The following GDAP1L1 variants were observed in gnomAD, a reference collection of about 807,000 sequenced individuals.
The protein encoded by GDAP1L1 is ganglioside induced differentiation associated protein 1 like 1.
Under a neutral mutation model 37.1 loss-of-function variants are expected in GDAP1L1, and 21 were observed. That is an observed-to-expected ratio of 0.57 (90% CI 0.40 to 0.81). The LOEUF (loss-of-function observed/expected upper bound fraction) is 0.81, where lower values mean the gene tolerates loss of function less well. GDAP1L1 is among the 40% of genes least tolerant of loss of function. GDAP1L1 has a pLI of 0.00. For missense variants in GDAP1L1, 362 were observed against 491.6 expected (o/e 0.74, Z 2.49); for synonymous variants, 193 against 209.1 (o/e 0.92, Z 0.67).
At position 44,263,116 on chromosome 20, in the gene GDAP1L1, G is replaced by C. The variant is rs907241448; in HGVS notation, c.548-114G>C. On this transcript the variant is annotated intron_variant, in intron 3 of 5. Coordinates refer to ENST00000342560, the MANE Select transcript of GDAP1L1 (RefSeq NM_024034.6). ...GCTCCCTAAGTGTTGGCTGTCGACA[G>C]TATTACTCTTCTGACCAGTGTTTGG... is the stretch of plus-strand genomic sequence containing the variant. 8 of 799,782 alleles carry C rather than the reference G, an allele frequency of 1.0e-5. No homozygotes were observed. In the Admixed American group the frequency reaches 1.1e-4, roughly 11 times the overall value. The allele number at this position is 799,782 out of a possible 1,614,324, so 49.5% of individuals were successfully genotyped here. A position where few individuals can be genotyped will look rare whatever the true frequency, so the allele number is the denominator to read the frequency against.
intron 1 of GDAP1L1, among the ~76,000 whole-genome samples, chr20:44,249,638 G>A (rs538403727): frequency 2.0e-5 from 3 of 152,198 alleles, no homozygotes; most frequent in Admixed American, 6.5e-5. Flanking sequence ...TTCCTATGTA[G>A]CGTGAGCTCA....
chr20:44,248,263 T>C (rs1371262863), intron 1 of GDAP1L1, among the ~76,000 whole-genome samples: 1 of 152,188 alleles, frequency 6.6e-6, no homozygotes, highest in Non-Finnish European at 1.5e-5. Flanking sequence ...GGTAAGGCTG[T>C]GAACTGCACC....
rs369308443 is a variant in GDAP1L1, at chr20:44,253,665, C to T, written c.181-3488C>T. On this transcript the variant is annotated intron_variant, in intron 1 of 5. Coordinates refer to ENST00000342560, the MANE Select transcript of GDAP1L1 (RefSeq NM_024034.6). Reference sequence around the variant, plus strand: ...TGGTGACCACCTAGGTCTGGTCCAGCCTCCAGGGGGCAGAGATGGCAGATG... The same window carrying T: ...TGGTGACCACCTAGGTCTGGTCCAGTCTCCAGGGGGCAGAGATGGCAGATG... Among the ~76,000 whole-genome samples the T allele has an allele frequency of 2.7e-3, 414 of 152,334 alleles. 3 individuals carry two copies. Among genetic ancestry groups the T allele is most frequent in the African/African-American group, 9.4e-3 (391 of 41,574 alleles).
rs1193762250 is a variant in GDAP1L1 at position 44,280,263 on chromosome 20, C to G, written c.*963C>G. ...AGTCTCTGCATCCATGCCACCCACC[C>G]CAGTCGGGTCTCACTTTCCTGTGCC... is the stretch of plus-strand genomic sequence containing the variant. On this transcript the variant is annotated 3_prime_UTR_variant, in exon 6 of 6. Coordinates refer to ENST00000342560, the MANE Select transcript of GDAP1L1 (RefSeq NM_024034.6). 6.4e-6 allele frequency: 1 copy of G among 157,086 alleles called. No homozygotes were observed. Among genetic ancestry groups the G allele is most frequent in the African/African-American group, 2.4e-5 (1 of 41,474 alleles). The allele number at this position is 157,086 out of a possible 1,614,324, so 9.7% of individuals were successfully genotyped here.
chr20:44,249,711 C>T (rs1458629129), intron 1 of GDAP1L1, among the ~76,000 whole-genome samples: 2 of 152,222 alleles, frequency 1.3e-5, no homozygotes, highest in African/African-American at 4.8e-5. Context: ...TTGACCAAGT[C>T]TCTGGCCAAG....
At position 44,279,331 on chromosome 20, in the gene GDAP1L1, C is replaced by A; in HGVS notation, c.*31C>A. The A allele has an allele frequency of 1.4e-6, 2 of 1,402,184 alleles. No individual in the cohort carries two copies. The highest frequency in any genetic ancestry group is 2.0e-6 in the Non-Finnish European group (2 of 997,350). 86.9% of individuals were successfully genotyped at this position (1,402,184 alleles called of 1,614,324 possible). On this transcript the variant is annotated 3_prime_UTR_variant, in exon 6 of 6. Transcript: ENST00000342560. ...GGCCTGGGGCTTGGTGTCTGACTGT[C>A]GGTGTCTCTGTGCTGTGTGATTCCC...
chr20:44,248,872 C>G (rs2145980489), intron 1 of GDAP1L1, among the ~76,000 whole-genome samples: 2 of 152,256 alleles, frequency 1.3e-5, no homozygotes, highest in South Asian at 2.1e-4. Flanking sequence ...GTGGACAGGT[C>G]CCTTTGCCTG....
intron 1 of GDAP1L1, among the ~76,000 whole-genome samples, chr20:44,252,030 A>T (rs2073455049): frequency 6.6e-6 from 1 of 152,232 alleles, no homozygotes; most frequent in Non-Finnish European, 1.5e-5. Flanking sequence ...TCTGATTCCT[A>T]GTGGTGACAA....
chr20:44,266,085 G>C (rs1293002268), intron 5 of GDAP1L1, among the ~76,000 whole-genome samples: 2 of 152,198 alleles, frequency 1.3e-5, no homozygotes, highest in South Asian at 2.1e-4. Flanking sequence ...GAGGCGGGTG[G>C]ATCACCTGAG....
At chr20:44,256,395 C>T (rs2073545922) in intron 1 of GDAP1L1, among the ~76,000 whole-genome samples, 1 of 152,136 alleles carries the variant, frequency 6.6e-6, no homozygotes, top group African/African-American at 2.4e-5. Flanking sequence ...TCTGACCAGG[C>T]ACGGTGGCTA....
chr20:44,278,953 C>T lies in GDAP1L1; in HGVS notation c.761-4C>T, dbSNP rs759888009. 3.7e-6 allele frequency: 6 copies of T among 1,603,446 alleles called. No individual in the cohort carries two copies. In the African/African-American group the frequency reaches 5.4e-5, roughly 14 times the overall value. ...CCCCTTGCCTCCTCTTTCTTCCACTCTAGGGCAGAAATGCGAGCTGTGGCT... is the reference window on the plus strand; with the variant it reads ...CCCCTTGCCTCCTCTTTCTTCCACTTTAGGGCAGAAATGCGAGCTGTGGCT... On this transcript the variant is annotated splice_polypyrimidine_tract_variant and splice_region_variant and intron_variant, in intron 5 of 5. Coordinates refer to ENST00000342560, the MANE Select transcript of GDAP1L1 (RefSeq NM_024034.6).
chr20:44,258,647 C>T, intron 3 of GDAP1L1, 40 bp downstream of exon 3: 6 of 1,455,328 alleles, frequency 4.1e-6, no homozygotes, highest in Non-Finnish European at 5.7e-6. Flanking sequence ...CTGCTTTCCC[C>T]CTTTGCGCCG....
intron 5 of GDAP1L1, 59 bp from the exon 6 acceptor site, chr20:44,278,898 A>G: frequency 9.2e-7 from 1 of 1,091,666 alleles, no homozygotes; most frequent in Non-Finnish European, 1.4e-6. Flanking sequence ...TCATGGAGAG[A>G]AGCAAGTGTG....
At chr20:44,265,492 C>T (rs759126388) in intron 5 of GDAP1L1, 60 of 984,908 alleles carry the variant, frequency 6.1e-5, no homozygotes, top group Non-Finnish European at 7.0e-5. Flanking sequence ...ATGGGAAGGC[C>T]GTAGAGCCCA....
At chr20:44,256,210 G>T (rs1259306784) in intron 1 of GDAP1L1, among the ~76,000 whole-genome samples, 1 of 152,134 alleles carries the variant, frequency 6.6e-6, no homozygotes, top group Non-Finnish European at 1.5e-5. Context: ...GAAAAATGGG[G>T]AGATACTGTT....
intron 5 of GDAP1L1, among the ~76,000 whole-genome samples, chr20:44,271,660 G>A (rs2062517093): frequency 6.6e-6 from 1 of 152,122 alleles, no homozygotes; most frequent in Non-Finnish European, 1.5e-5. Context: ...AGGATGTGGG[G>A]TGACAGGAGG....
chr20:44,253,699 A>C (rs1463763310), intron 1 of GDAP1L1, among the ~76,000 whole-genome samples: 1 of 152,208 alleles, frequency 6.6e-6, no homozygotes, highest in Non-Finnish European at 1.5e-5. Context: ...TGGCCTTGGT[A>C]GCTGAATGCC....
intron 5 of GDAP1L1, among the ~76,000 whole-genome samples, chr20:44,266,964 C>T (rs1244619644): frequency 2.6e-5 from 4 of 152,240 alleles, no homozygotes; most frequent in South Asian, 2.1e-4. Flanking sequence ...TAAAAAACAT[C>T]GCAAAAAATT....
In GDAP1L1 at chr20:44,253,408, T is replaced by A. The variant is rs527963449; in HGVS notation, c.181-3745T>A. Among the ~76,000 whole-genome samples, 130 of 152,282 alleles carry A rather than the reference T, an allele frequency of 8.5e-4. 1 individual carries two copies. The highest frequency in any genetic ancestry group is 3.0e-3 in the African/African-American group (124 of 41,560). On this transcript the variant is annotated intron_variant, in intron 1 of 5. Transcript: ENST00000342560. Reference sequence around the variant, plus strand: ...CTAAAAATAAGGCCTACTAATTTTTTTAAAAAAAGAATTTGAAATAAACTG... The same window carrying A: ...CTAAAAATAAGGCCTACTAATTTTTATAAAAAAAGAATTTGAAATAAACTG...
Sources: allele counts gnomAD v4.1 joint callset (sites outside exome capture counted in the v4.1 genomes callset), GRCh38; gene constraint gnomAD v4.1.1; transcripts MANE v1.5; gene names NCBI Gene and HGNC (gene_info 2026-07-23, HGNC 2026-07-21).